The following IRAG2 variants were observed in gnomAD, a reference collection of about 807,000 sequenced individuals.
IRAG2 encodes inositol 1,4,5-triphosphate receptor associated 2.
A neutral mutation model predicts 69.9 loss-of-function variants in IRAG2; 45 were observed. The observed-to-expected ratio is 0.64, with a 90% CI of 0.51 to 0.83. The LOEUF (loss-of-function observed/expected upper bound fraction) is 0.83, where lower values mean the gene tolerates loss of function less well. Among genes scored for constraint, IRAG2 ranks in the 40% least tolerant of loss-of-function variants. The pLI is 0.00. For missense variants in IRAG2, 520 were observed against 587.0 expected (o/e 0.89, Z 1.18); for synonymous variants, 193 against 202.4 (o/e 0.95, Z 0.40).
At chr12:25,085,755 C>CCCTAACCCTA (rs1565573313) in intron 10 of IRAG2, among the ~76,000 whole-genome samples, 2 of 152,224 alleles carry the variant, frequency 1.3e-5, no homozygotes, top group African/African-American at 4.8e-5. Flanking sequence ...ATCACTAACA[C>CCCTAACCCTA]ATCCTCTTAT....
chr12:25,081,245 G>A (rs1947186230), intron 9 of IRAG2, among the ~76,000 whole-genome samples: 1 of 152,134 alleles, frequency 6.6e-6, no homozygotes, highest in African/African-American at 2.4e-5. Flanking sequence ...GGCAGATCAC[G>A]AGGTCAGAAG....
intron 10 of IRAG2, among the ~76,000 whole-genome samples, chr12:25,084,276 G>A (rs542684561): frequency 6.6e-6 from 1 of 152,050 alleles, no homozygotes; most frequent in Non-Finnish European, 1.5e-5. Flanking sequence ...TGTTGTCTCA[G>A]TTATATAGGA....
chr12:25,023,587 G>A (rs900196501), intron 7 of IRAG2, among the ~76,000 whole-genome samples: 3 of 152,160 alleles, frequency 2.0e-5, no homozygotes, highest in Admixed American at 6.5e-5. Flanking sequence ...AAATGAAGTA[G>A]CAGGGAAAGA....
intron 15 of IRAG2, 143 bp downstream of exon 15, chr12:25,097,187 T>C: frequency 1.6e-6 from 1 of 637,844 alleles, no homozygotes; most frequent in Non-Finnish European, 2.5e-6. Context: ...ACATATGTGT[T>C]TAATACAGAA....
At chr12:25,046,157 A>G (rs1486492953) in intron 16 of IRAG2, among the ~76,000 whole-genome samples, 6 of 152,172 alleles carry the variant, frequency 3.9e-5, no homozygotes, top group Non-Finnish European at 8.8e-5. Flanking sequence ...ACATTTGATA[A>G]AATTTAACAG....
At chr12:25,065,984 CA>C (rs1247718802) in intron 4 of IRAG2, among the ~76,000 whole-genome samples, 1 of 152,078 alleles carries the variant, frequency 6.6e-6, no homozygotes, top group South Asian at 2.1e-4. Context: ...TGAAACTTTA[CA>C]AAAACAGGCA....
At chr12:25,104,216 A>G in intron 19 of IRAG2, 145 bp from the exon 20 acceptor site, 1 of 845,816 alleles carries the variant, frequency 1.2e-6, no homozygotes, top group African/African-American at 1.7e-5. Flanking sequence ...GAAGTTTTTT[A>G]TCATAAAGTA....
intron 16 of IRAG2, among the ~76,000 whole-genome samples, chr12:25,046,582 T>C (rs1399459598): frequency 3.3e-5 from 5 of 151,978 alleles, no homozygotes; most frequent in Non-Finnish European, 7.4e-5. Context: ...AACAATCTCA[T>C]TTACAATAGC....
chr12:25,012,264 C>G (rs1017326487), intron 3 of IRAG2, among the ~76,000 whole-genome samples: 2 of 150,804 alleles, frequency 1.3e-5, no homozygotes, highest in African/African-American at 4.9e-5. Context: ...AAGCAATTCT[C>G]CCGCCACACC....
chr12:25,012,733 C>A (rs554988294), intron 3 of IRAG2, among the ~76,000 whole-genome samples: 1 of 152,072 alleles, frequency 6.6e-6, no homozygotes, highest in Non-Finnish European at 1.5e-5. Context: ...GAAGCTGAGG[C>A]GGGAGAATTG....
exon 2 of IRAG2, chr12:25,005,284 C>T: frequency 1.6e-6 from 2 of 1,230,978 alleles, no homozygotes. Flanking sequence ...ATGTAATATA[C>T]AGCATCAACA....
chr12:25,060,336 A>C (rs1213588629), intron 1 of IRAG2, among the ~76,000 whole-genome samples: 1 of 152,142 alleles, frequency 6.6e-6, no homozygotes, highest in East Asian at 1.9e-4. Context: ...ATGTACATCA[A>C]AGAGCTAGTT....
intron 1 of IRAG2, among the ~76,000 whole-genome samples, chr12:25,055,831 CATATT>C (rs10598238): frequency 0.016 from 2,412 of 152,220 alleles, 58 homozygotes; most frequent in African/African-American, 0.053. Context: ...GTGTATATAA[CATATT>C]AGGGTGAATC....
At chr12:25,015,088 GAAAAAA>G in intron 3 of IRAG2, 48 of 50,894 alleles carry the variant, frequency 9.4e-4, no homozygotes, top group Middle Eastern at 0.015. Flanking sequence ...GCATAAATCT[GAAAAAA>G]AAAAAAAAAA....
chr12:25,060,043 TA>T (rs886109451), intron 1 of IRAG2, among the ~76,000 whole-genome samples: 2 of 151,962 alleles, frequency 1.3e-5, no homozygotes, highest in African/African-American at 2.4e-5. Flanking sequence ...TTAGTGATTT[TA>T]AAAAAAAGTG....
chr12:25,101,296 A>C lies in IRAG2; in HGVS notation c.860A>C (p.Glu287Ala). The C allele has an allele frequency of 6.2e-7, 1 of 1,607,986 alleles. No homozygotes were observed. The highest frequency in any genetic ancestry group is 8.5e-7 in the Non-Finnish European group (1 of 1,176,586). The change falls in exon 16 of 22, where the codon GAA becomes GCA. Residue 287 changes from glutamate to alanine, a missense_variant. Coordinates refer to ENST00000556887, the MANE Select transcript of IRAG2 (RefSeq NM_001366544.2). ...EELKQVLLQNERSFNPLEDDD... is the reference protein window; with the variant it reads ...EELKQVLLQNARSFNPLEDDD... ...CTGAAACAGGTTCTTCTGCAGAATG[A>C]AAGGTCTTTCAATCCTCTTGAAGAT...
chr12:25,069,490 C>T lies in IRAG2; in HGVS notation c.24+59C>T, dbSNP rs368994488. 3.2e-5 allele frequency: 45 copies of T among 1,396,962 alleles called. 1 individual carries two copies. In the African/African-American group the frequency reaches 6.2e-4, roughly 19 times the overall value. 86.5% of individuals were successfully genotyped at this position (1,396,962 alleles called of 1,614,324 possible). ...AGTATTACCATATCCTGTTCTTCTT[C>T]TATGGGTATTCTTTTTCCCTGTCTT... On this transcript the variant is annotated intron_variant, in intron 6 of 21. Coordinates refer to ENST00000556887, the MANE Select transcript of IRAG2 (RefSeq NM_001366544.2).
chr12:25,060,420 A>G (rs564984924), intron 1 of IRAG2, among the ~76,000 whole-genome samples: 5 of 152,138 alleles, frequency 3.3e-5, no homozygotes, highest in Non-Finnish European at 7.3e-5. Context: ...TAAGCAGAAA[A>G]ACAAATATTT....
intron 5 of IRAG2, 79 bp from the exon 6 acceptor site, chr12:25,069,271 G>T: frequency 1.5e-6 from 1 of 654,850 alleles, no homozygotes; most frequent in South Asian, 1.9e-5. Flanking sequence ...AGGGGAGTGA[G>T]AACCATGTTA....
Sources: gnomAD v4.1 joint callset for allele counts (sites outside exome capture counted in the v4.1 genomes callset) on GRCh38, gnomAD v4.1.1 for gene constraint, MANE v1.5 for transcripts, NCBI Gene and HGNC (gene_info 2026-07-23, HGNC 2026-07-21) for gene names.